SCG3: variants seen among roughly 807,000 people sequenced by gnomAD.
SCG3 encodes secretogranin III, also known as secretogranin-3.
Under a neutral mutation model 56.2 loss-of-function variants are expected in SCG3, and 38 were observed. The observed-to-expected ratio is 0.68, with a 90% CI of 0.52 to 0.89. The LOEUF is 0.89. SCG3 is among the 40% of genes least tolerant of loss of function. The probability of loss-of-function intolerance (pLI) is 0.00; values close to 1 mark genes in which losing one functional copy is unlikely to be tolerated. For synonymous variants in SCG3, 176 were observed against 184.2 expected, an observed-to-expected ratio of 0.96 and a Z score of 0.36; for missense variants, 524 against 540.7, an observed-to-expected ratio of 0.97 and a Z score of 0.31.
At chr15:51,716,869 G>A (rs1023589184) in intron 11 of SCG3, among the ~76,000 whole-genome samples, 15 of 152,238 alleles carry the variant, frequency 9.9e-5, no homozygotes, top group African/African-American at 3.6e-4. Flanking sequence ...CCAGGCCTCT[G>A]GAACAGCTGG....
chr15:51,707,080 G>A (rs2055380906), intron 10 of SCG3, among the ~76,000 whole-genome samples: 1 of 152,010 alleles, frequency 6.6e-6, no homozygotes, highest in African/African-American at 2.4e-5. Flanking sequence ...CCATTTGGAT[G>A]TTTACTCATT....
intron 1 of SCG3, among the ~76,000 whole-genome samples, chr15:51,682,276 G>GAA (rs372618103): frequency 0.023 from 3,136 of 134,652 alleles, 85 homozygotes; most frequent in East Asian, 0.1. Context: ...TTTCTGGTCA[G>GAA]AAAAAAAAAA....
chr15:51,692,889 G>C (rs1323357052), intron 7 of SCG3, among the ~76,000 whole-genome samples: 1 of 150,770 alleles, frequency 6.6e-6, no homozygotes, highest in Non-Finnish European at 1.5e-5. Flanking sequence ...TTCTTTTTGT[G>C]TGTGTGATGA....
intron 1 of SCG3, among the ~76,000 whole-genome samples, chr15:51,682,115 T>C (rs2055198697): frequency 6.6e-6 from 1 of 152,230 alleles, no homozygotes; most frequent in Non-Finnish European, 1.5e-5. Context: ...GATTGTTTTC[T>C]AGTTGCCTTA....
At chr15:51,711,408 A>G (rs2141580298) in intron 10 of SCG3, among the ~76,000 whole-genome samples, 1 of 152,366 alleles carries the variant, frequency 6.6e-6, no homozygotes, top group East Asian at 1.9e-4. Context: ...TGTAAAGAAC[A>G]AGACTATTTT....
chr15:51,719,701 A>G lies in SCG3; in HGVS notation c.*175A>G. On this transcript the variant is annotated 3_prime_UTR_variant, in exon 12 of 12. Transcript: ENST00000220478. Reference sequence around the variant, plus strand: ...ACATAGCTTTCTTCCCGTAAAAACTATCTGAAAGTAAAGTTGTATGTAAGC... The same window carrying G: ...ACATAGCTTTCTTCCCGTAAAAACTGTCTGAAAGTAAAGTTGTATGTAAGC... 1.8e-6 allele frequency: 1 copy of G among 563,328 alleles called. No individual in the cohort carries two copies. 34.9% of individuals were successfully genotyped at this position (563,328 alleles called of 1,614,324 possible).
chr15:51,688,198 A>G (rs1221963464), intron 4 of SCG3, 62 bp from the exon 5 acceptor site: 3 of 1,478,770 alleles, frequency 2.0e-6, no homozygotes, highest in Non-Finnish European at 2.8e-6. Flanking sequence ...TTATAAGTAT[A>G]ATATGATGCA....
At chr15:51,704,814 T>C (rs2055364744) in intron 10 of SCG3, among the ~76,000 whole-genome samples, 1 of 139,078 alleles carries the variant, frequency 7.2e-6, no homozygotes, top group African/African-American at 2.6e-5. Context: ...TTTGAGCTCC[T>C]TCTTTCAGTT....
intron 11 of SCG3, among the ~76,000 whole-genome samples, chr15:51,714,411 TA>T (rs975990338): frequency 2.6e-5 from 4 of 152,094 alleles, no homozygotes; most frequent in African/African-American, 9.7e-5. Flanking sequence ...TATGGGGCTG[TA>T]AACCAGGGGA....
chr15:51,713,794 T>A (rs1057233860), intron 11 of SCG3, among the ~76,000 whole-genome samples: 3 of 152,182 alleles, frequency 2.0e-5, no homozygotes, highest in African/African-American at 7.2e-5. Context: ...GCACAAATTT[T>A]GTGCACCCTG....
intron 10 of SCG3, among the ~76,000 whole-genome samples, chr15:51,710,504 C>T (rs2055413828): frequency 1.3e-5 from 2 of 152,170 alleles, no homozygotes; most frequent in South Asian, 2.1e-4. Context: ...TCATACATTA[C>T]ATACTTTTTA....
chr15:51,690,504 T>C (rs1038117352), intron 6 of SCG3, among the ~76,000 whole-genome samples: 2 of 151,872 alleles, frequency 1.3e-5, no homozygotes, highest in African/African-American at 4.8e-5. Flanking sequence ...GGAGAGAAAA[T>C]AGAAATTGGG....
intron 8 of SCG3, among the ~76,000 whole-genome samples, chr15:51,697,067 G>A (rs1380406693): frequency 1.3e-5 from 2 of 151,744 alleles, no homozygotes; most frequent in African/African-American, 4.8e-5. Flanking sequence ...TAAAAAGAAA[G>A]TGAAAATCAC....
At chr15:51,712,006 T>C (rs1224966056) in intron 10 of SCG3, among the ~76,000 whole-genome samples, 1 of 152,212 alleles carries the variant, frequency 6.6e-6, no homozygotes, top group African/African-American at 2.4e-5. Flanking sequence ...TTATTGTACA[T>C]GGACTGTAGT....
At chr15:51,689,989 G>C (rs1446871320) in intron 6 of SCG3, among the ~76,000 whole-genome samples, 3 of 152,032 alleles carry the variant, frequency 2.0e-5, no homozygotes, top group Non-Finnish European at 2.9e-5. Context: ...TAACATCTGT[G>C]TGTACAGTCC....
chr15:51,703,863 C>G (rs1162137511), intron 10 of SCG3, among the ~76,000 whole-genome samples: 1 of 152,126 alleles, frequency 6.6e-6, no homozygotes, highest in African/African-American at 2.4e-5. Flanking sequence ...TTTTCTCTAG[C>G]ATGGATTTCA....
chr15:51,704,280 A>ATAT (rs2055359648), intron 10 of SCG3, among the ~76,000 whole-genome samples: 4 of 59,164 alleles, frequency 6.8e-5, no homozygotes, highest in African/African-American at 1.1e-4. Flanking sequence ...TATATATATA[A>ATAT]AATAGCTCTT....
rs1467508941 is a variant in SCG3 at position 51,689,255 on chromosome 15, G to A, written c.577G>A (p.Val193Ile). Residue 193 changes from valine (V) to isoleucine (I), a missense_variant, in exon 6 of 12, where the codon GTA (valine) becomes ATA (isoleucine). Coordinates refer to ENST00000220478, the MANE Select transcript of SCG3 (RefSeq NM_013243.4). ...ESQAHTLEDE[V>I]AEVLQKLISK... ...CCAAGCACATACACTGGAAGATGAA[G>A]TAGCAGAGGTTTTACAAAAATTAAT... 1.2e-6 allele frequency: 2 copies of A among 1,613,996 alleles called. No individual in the cohort carries two copies. Among genetic ancestry groups the A allele is most frequent in the Admixed American group, 1.7e-5 (1 of 60,004 alleles).
Position 51,710,332 on chromosome 15 carries a change from G to A in SCG3, c.1208-3001G>A, listed in dbSNP as rs550377448. ...AAGCATGAAAGAGGAGGAGAATGACGGGGTGTTCTGTTATAAATTAGGGAG... is the reference window on the plus strand; with the variant it reads ...AAGCATGAAAGAGGAGGAGAATGACAGGGTGTTCTGTTATAAATTAGGGAG... On this transcript the variant is annotated intron_variant, in intron 10 of 11. Coordinates refer to ENST00000220478, the MANE Select transcript of SCG3 (RefSeq NM_013243.4). 5.3e-5 allele frequency among the ~76,000 whole-genome samples: 8 copies of A among 152,126 alleles called. No individual in the cohort carries two copies. In the South Asian group the frequency reaches 1.5e-3, roughly 28 times the overall value.
Sources: allele counts gnomAD v4.1 joint callset (sites outside exome capture counted in the v4.1 genomes callset), GRCh38; gene constraint gnomAD v4.1.1; transcripts MANE v1.5; gene names NCBI Gene and HGNC (gene_info 2026-07-23, HGNC 2026-07-21).